Variants in DLG2 observed in about 807,000 individuals in gnomAD.
DLG2 encodes disks large homolog 2.
DLG2 carries 45 observed loss-of-function variants against 132.5 expected under a neutral mutation model. That is an observed-to-expected ratio of 0.34 (90% CI 0.27 to 0.44). DLG2 has a LOEUF of 0.44. Among genes scored for constraint, DLG2 ranks in the 20% least tolerant of loss-of-function variants. DLG2 has a pLI of 1.00. For missense variants in DLG2, 1,045 were observed against 1,196.9 expected (o/e 0.87, Z 1.87); for synonymous variants, 424 against 419.6 (o/e 1.01, Z -0.13).
At chr11:84,712,059 A>T (rs903253785) in intron 6 of DLG2, among the ~76,000 whole-genome samples, 2 of 152,116 alleles carry the variant, frequency 1.3e-5, no homozygotes, top group African/African-American at 4.8e-5. Flanking sequence ...ATTACATGCC[A>T]TAAGAGTCCA....
chr11:85,442,395 A>T (rs1355616776), intron 3 of DLG2, among the ~76,000 whole-genome samples: 4 of 152,204 alleles, frequency 2.6e-5, no homozygotes, highest in Admixed American at 2.6e-4. Flanking sequence ...TGGTCAAGTT[A>T]TATTTAGAGT....
intron 3 of DLG2, among the ~76,000 whole-genome samples, chr11:85,298,775 T>C (rs2079402157): frequency 6.6e-6 from 1 of 151,864 alleles, no homozygotes; most frequent in African/African-American, 2.4e-5. Flanking sequence ...CTGATTTTGA[T>C]GGTAATATTG....
At chr11:83,743,201 G>C (rs1426307833) in intron 18 of DLG2, among the ~76,000 whole-genome samples, 1 of 152,100 alleles carries the variant, frequency 6.6e-6, no homozygotes, top group African/African-American at 2.4e-5. Flanking sequence ...ATTCATCTCT[G>C]CTAATGGGAC....
At chr11:83,610,542 C>A (rs1016385730) in intron 19 of DLG2, among the ~76,000 whole-genome samples, 1 of 116,254 alleles carries the variant, frequency 8.6e-6, no homozygotes, top group African/African-American at 3.4e-5. Context: ...AACCAACTAT[C>A]GAACAGACAG....
intron 3 of DLG2, among the ~76,000 whole-genome samples, chr11:85,555,542 T>A (rs924089876): frequency 6.6e-6 from 1 of 151,924 alleles, no homozygotes; most frequent in African/African-American, 2.4e-5. Context: ...TCTCTTGTTT[T>A]TTCCCACCCA....
chr11:83,642,966 A>G (rs900498298), intron 18 of DLG2, among the ~76,000 whole-genome samples: 2 of 152,020 alleles, frequency 1.3e-5, no homozygotes, highest in African/African-American at 4.8e-5. Context: ...TAGGTGTTCA[A>G]TAAATGAATA....
intron 8 of DLG2, among the ~76,000 whole-genome samples, chr11:84,174,381 C>G (rs1024976402): frequency 6.6e-6 from 1 of 151,984 alleles, no homozygotes; most frequent in Non-Finnish European, 1.5e-5. Flanking sequence ...ATTTTTTAAT[C>G]CCCAGAGAAC....
chr11:83,693,735 G>T (rs1377811241), intron 18 of DLG2: 1 of 152,174 alleles, frequency 6.6e-6, no homozygotes, highest in Non-Finnish European at 1.5e-5. Context: ...CTTTCAGAGG[G>T]TTTGCTGTCA....
intron 3 of DLG2, among the ~76,000 whole-genome samples, chr11:85,346,108 G>A (rs1413121764): frequency 1.3e-5 from 2 of 151,986 alleles, no homozygotes; most frequent in Non-Finnish European, 2.9e-5. Flanking sequence ...GAGGAGGAAC[G>A]CGTCCACCTT....
intron 19 of DLG2, chr11:83,632,978 C>G (rs2063830121): frequency 2.0e-6 from 1 of 493,370 alleles, no homozygotes; most frequent in Non-Finnish European, 3.6e-6. Flanking sequence ...GCATTTTATC[C>G]TGAATCATAA....
At chr11:84,857,794 T>G (rs1375367068) in intron 6 of DLG2, among the ~76,000 whole-genome samples, 2 of 152,110 alleles carry the variant, frequency 1.3e-5, no homozygotes, top group African/African-American at 4.8e-5. Context: ...ATCTTTGGCC[T>G]GTTGTTTGGA....
At chr11:84,713,385 A>C (rs1322278080) in intron 6 of DLG2, among the ~76,000 whole-genome samples, 1 of 152,082 alleles carries the variant, frequency 6.6e-6, no homozygotes, top group Non-Finnish European at 1.5e-5. Flanking sequence ...GTGAGTTGAC[A>C]TTTCTGAAAA....
chr11:84,875,588 C>A (rs1036527580), intron 6 of DLG2, among the ~76,000 whole-genome samples: 1 of 151,984 alleles, frequency 6.6e-6, no homozygotes, highest in African/African-American at 2.4e-5. Flanking sequence ...TATGTTACCT[C>A]ACATTTCCTA....
At chr11:85,526,638 G>A (rs1277216677) in intron 3 of DLG2, among the ~76,000 whole-genome samples, 1 of 152,164 alleles carries the variant, frequency 6.6e-6, no homozygotes, top group Admixed American at 6.5e-5. Context: ...TTAATTTTAT[G>A]TGTCAATTTT....
intron 3 of DLG2, among the ~76,000 whole-genome samples, chr11:85,440,174 A>G (rs960026877): frequency 5.3e-5 from 8 of 152,200 alleles, no homozygotes; most frequent in Non-Finnish European, 1.0e-4. Flanking sequence ...CCTACAACAA[A>G]ATAATTATTA....
intron 7 of DLG2, among the ~76,000 whole-genome samples, chr11:84,458,852 G>A (rs1309025387): frequency 1.3e-5 from 2 of 150,362 alleles, no homozygotes; most frequent in African/African-American, 4.9e-5. Flanking sequence ...AAAATTACTG[G>A]TAATATTTAT....
At chr11:84,361,452 G>C (rs866245591) in intron 7 of DLG2, among the ~76,000 whole-genome samples, 2 of 151,918 alleles carry the variant, frequency 1.3e-5, no homozygotes, top group Admixed American at 6.6e-5. Context: ...GAAAAGGACT[G>C]TCAATCTAGA....
chr11:84,739,499 C>G (rs1170386580), intron 6 of DLG2, among the ~76,000 whole-genome samples: 1 of 152,134 alleles, frequency 6.6e-6, no homozygotes, highest in African/African-American at 2.4e-5. Context: ...CTCCTATGAG[C>G]ACTTTACCTG....
intron 6 of DLG2, among the ~76,000 whole-genome samples, chr11:84,638,104 C>T (rs1418019897): frequency 6.6e-6 from 1 of 152,168 alleles, no homozygotes; most frequent in African/African-American, 2.4e-5. Context: ...TCATTTTGAT[C>T]CAATATTAGA....
Sources: allele counts gnomAD v4.1 joint callset (sites outside exome capture counted in the v4.1 genomes callset), GRCh38; gene constraint gnomAD v4.1.1; transcripts MANE v1.5; gene names NCBI Gene and HGNC (gene_info 2026-07-23, HGNC 2026-07-21).